Variants in DLG2 observed in about 807,000 individuals in gnomAD.
DLG2 encodes discs large MAGUK scaffold protein 2.
In DLG2, 45 loss-of-function variants were observed where a neutral mutation model predicts 132.5. The observed-to-expected ratio is 0.34, with a 90% confidence interval of 0.27 to 0.44. The LOEUF is 0.44. DLG2 is among the 20% of genes least tolerant of loss of function. The pLI, the probability that DLG2 is intolerant of heterozygous loss-of-function variation, is 1.00. For missense variants in DLG2, 1,045 were observed against 1,196.9 expected (o/e 0.87, Z 1.87); for synonymous variants, 424 against 419.6 (o/e 1.01, Z -0.13).
chr11:83,465,282 A>G lies in DLG2; in HGVS notation c.2729+1426T>C, dbSNP rs79203952. 9.7e-3 allele frequency among the ~76,000 whole-genome samples: 1,478 copies of G among 152,178 alleles called. 28 individuals carry two copies. The highest frequency in any genetic ancestry group is 0.033 in the African/African-American group (1,368 of 41,512). On this transcript the variant is annotated intron_variant, in intron 26 of 27. Transcript: ENST00000376104. ...CTGGCTATTTCCCCAGAGCTCAACT[A>G]TGTATTTAACTTAATTCTCTCAGGC...
chr11:85,122,645 C>T (rs960742290), intron 5 of DLG2, among the ~76,000 whole-genome samples: 2 of 151,894 alleles, frequency 1.3e-5, no homozygotes, highest in African/African-American at 2.4e-5. Context: ...CTTATGAAAA[C>T]GCAGATTCTG....
chr11:84,594,930 A>C (rs1250998973), intron 6 of DLG2, among the ~76,000 whole-genome samples: 1 of 152,208 alleles, frequency 6.6e-6, no homozygotes, highest in Non-Finnish European at 1.5e-5. Context: ...GCACCTTTCC[A>C]AAATATAAAC....
chr11:84,265,091 CTAAT>C (rs1258845559), intron 7 of DLG2, among the ~76,000 whole-genome samples: 1 of 152,052 alleles, frequency 6.6e-6, no homozygotes, highest in African/African-American at 2.4e-5. Flanking sequence ...ATGGTCTTAG[CTAAT>C]TAATTTAATC....
intron 6 of DLG2, among the ~76,000 whole-genome samples, chr11:84,683,873 T>C (rs1431605202): frequency 6.6e-6 from 1 of 152,206 alleles, no homozygotes; most frequent in African/African-American, 2.4e-5. Context: ...TTTTCCACAG[T>C]GCAAAACATC....
At chr11:85,465,641 T>A (rs1425816504) in intron 3 of DLG2, among the ~76,000 whole-genome samples, 6 of 152,242 alleles carry the variant, frequency 3.9e-5, no homozygotes, top group Non-Finnish European at 7.3e-5. Flanking sequence ...GAACTCATCA[T>A]TTTTTATGGC....
intron 18 of DLG2, among the ~76,000 whole-genome samples, chr11:83,723,832 G>A (rs1216337892): frequency 1.3e-5 from 2 of 152,012 alleles, no homozygotes; most frequent in African/African-American, 4.8e-5. Context: ...CTCCAGCCTG[G>A]GTGAAAGAGT....
chr11:83,601,008 G>A (rs2058446731), intron 19 of DLG2, among the ~76,000 whole-genome samples: 1 of 152,200 alleles, frequency 6.6e-6, no homozygotes, highest in Non-Finnish European at 1.5e-5. Context: ...TTGTCATTTA[G>A]CATAAGCCAG....
chr11:84,324,291 T>C (rs1240864639), intron 7 of DLG2, among the ~76,000 whole-genome samples: 2 of 152,138 alleles, frequency 1.3e-5, no homozygotes, highest in Non-Finnish European at 2.9e-5. Context: ...TTCCCAACAT[T>C]ATTTGTTAAA....
chr11:84,467,342 A>T (rs917142486), intron 7 of DLG2, among the ~76,000 whole-genome samples: 1 of 151,462 alleles, frequency 6.6e-6, no homozygotes, highest in Non-Finnish European at 1.5e-5. Context: ...AAAAGCAGTA[A>T]GTCATAGAAA....
At chr11:83,790,968 C>T (rs1435888246) in intron 17 of DLG2, 4 of 885,526 alleles carry the variant, frequency 4.5e-6, no homozygotes, top group East Asian at 2.4e-5. Context: ...TTCATCCAGG[C>T]GAAGATACAG....
At chr11:84,133,519 T>C (rs2094495041) in intron 9 of DLG2, among the ~76,000 whole-genome samples, 1 of 152,070 alleles carries the variant, frequency 6.6e-6, no homozygotes, top group South Asian at 2.1e-4. Flanking sequence ...CAAAAAATTG[T>C]GTAAAAAGTT....
At chr11:84,014,667 TCAA>T (rs1007748039) in intron 11 of DLG2, among the ~76,000 whole-genome samples, 15 of 152,150 alleles carry the variant, frequency 9.9e-5, no homozygotes, top group African/African-American at 3.1e-4. Context: ...TTAGAAAAGT[TCAA>T]CAACATGTTT....
chr11:84,206,300 A>G (rs1009473320), intron 8 of DLG2, among the ~76,000 whole-genome samples: 7 of 152,092 alleles, frequency 4.6e-5, no homozygotes, highest in Non-Finnish European at 7.4e-5. Flanking sequence ...CCTTGCTTGT[A>G]AATTCTACCA....
At chr11:84,987,110 C>T (rs2056580210) in intron 6 of DLG2, among the ~76,000 whole-genome samples, 1 of 152,132 alleles carries the variant, frequency 6.6e-6, no homozygotes, top group Non-Finnish European at 1.5e-5. Flanking sequence ...CACTTCTGTA[C>T]ACCAACAGCG....
At chr11:84,927,370 C>T (rs538241359) in intron 6 of DLG2, among the ~76,000 whole-genome samples, 40 of 151,890 alleles carry the variant, frequency 2.6e-4, no homozygotes, top group African/African-American at 8.7e-4. Context: ...TAAGTTTATA[C>T]GTTAAGGATT....
At chr11:83,672,262 G>A (rs570099281) in intron 18 of DLG2, among the ~76,000 whole-genome samples, 17 of 151,856 alleles carry the variant, frequency 1.1e-4, no homozygotes, top group African/African-American at 4.1e-4. Context: ...TCAGCTCACC[G>A]CAACCTCTGC....
chr11:83,943,876 G>C (rs1006055853), intron 14 of DLG2, among the ~76,000 whole-genome samples: 3 of 152,206 alleles, frequency 2.0e-5, no homozygotes, highest in African/African-American at 7.2e-5. Flanking sequence ...CTACAGGGAA[G>C]TATCTCTATT....
At chr11:85,481,857 C>T (rs1266076555) in intron 3 of DLG2, among the ~76,000 whole-genome samples, 1 of 151,870 alleles carries the variant, frequency 6.6e-6, no homozygotes, top group African/African-American at 2.4e-5. Context: ...CAGTGCCAGA[C>T]CAGCCCCCTG....
chr11:85,088,998 A>C (rs2068352357), intron 6 of DLG2, among the ~76,000 whole-genome samples: 1 of 152,220 alleles, frequency 6.6e-6, no homozygotes. Context: ...GAAAACCTAA[A>C]AATATCTCCT....
Sources: gnomAD v4.1 joint callset for allele counts (sites outside exome capture counted in the v4.1 genomes callset) on GRCh38, gnomAD v4.1.1 for gene constraint, MANE v1.5 for transcripts, NCBI Gene and HGNC (gene_info 2026-07-23, HGNC 2026-07-21) for gene names.